Variants in EML4 observed in about 807,000 individuals in gnomAD.
The protein encoded by EML4 is EMAP like 4.
A neutral mutation model predicts 129.0 loss-of-function variants in EML4; 72 were observed. The ratio of observed to expected loss-of-function variants is 0.56; its 90% CI spans 0.46 to 0.68. The LOEUF (loss-of-function observed/expected upper bound fraction) is 0.68, where lower values mean the gene tolerates loss of function less well. EML4 is among the 30% of genes least tolerant of loss of function. The probability of loss-of-function intolerance (pLI) is 0.00; values close to 1 mark genes in which losing one functional copy is unlikely to be tolerated. For missense variants in EML4, 1,363 were observed against 1,190.6 expected, an observed-to-expected ratio of 1.14 and a Z score of -2.13; for synonymous variants, 532 against 405.0, an observed-to-expected ratio of 1.31 and a Z score of -3.77.
chr2:42,253,865 C>T (rs1009048973), intron 2 of EML4, among the ~76,000 whole-genome samples: 5 of 152,100 alleles, frequency 3.3e-5, no homozygotes, highest in African/African-American at 7.2e-5. Flanking sequence ...ACAAAGATTT[C>T]ATAAGTAGCA....
Position 42,245,595 on chromosome 2 carries a change from C to T in EML4, c.116C>T (p.Thr39Ile). ...SRVQQQEDEITVLKAALADVL... is the reference protein window; with the variant it reads ...SRVQQQEDEIIVLKAALADVL... Reference sequence around the variant, plus strand: ...GTTCAGCAACAAGAAGATGAAATCACTGTGCTAAAGGCGGCTTTGGCTGAT... The same window carrying T: ...GTTCAGCAACAAGAAGATGAAATCATTGTGCTAAAGGCGGCTTTGGCTGAT... The change falls in exon 2 of 23, where the codon ACT (threonine) becomes ATT (isoleucine). Residue 39 changes from threonine (T) to isoleucine (I), a missense_variant. Coordinates refer to ENST00000318522, the MANE Select transcript of EML4 (RefSeq NM_019063.5). The T allele has an allele frequency of 6.2e-7, 1 of 1,613,924 alleles. No individual in the cohort carries two copies. Among genetic ancestry groups the T allele is most frequent in the Admixed American group, 1.7e-5 (1 of 60,006 alleles).
intron 17 of EML4, among the ~76,000 whole-genome samples, chr2:42,313,853 C>T (rs1016661175): frequency 6.6e-5 from 10 of 151,240 alleles, no homozygotes; most frequent in South Asian, 2.1e-4. Flanking sequence ...CGCTTGAACC[C>T]GGAGGCGGAG....
intron 1 of EML4, among the ~76,000 whole-genome samples, chr2:42,176,204 C>G (rs748263890): frequency 2.0e-5 from 3 of 152,156 alleles, no homozygotes; most frequent in Non-Finnish European, 2.9e-5. Flanking sequence ...CCATTTTTGC[C>G]TAGGGCATTA....
intron 19 of EML4, among the ~76,000 whole-genome samples, chr2:42,321,213 C>T (rs1229232468): frequency 1.3e-5 from 2 of 151,918 alleles, no homozygotes; most frequent in South Asian, 4.2e-4. Flanking sequence ...GAAACCCCAT[C>T]TCTACTAAAA....
Position 42,329,973 on chromosome 2 carries a change from G to GGA in EML4, c.2712_2713insGA (p.Pro905AspfsTer3). The GGA allele has an allele frequency of 6.2e-7, 1 of 1,613,810 alleles. No individual in the cohort carries two copies. On this transcript the variant is annotated frameshift_variant, in exon 23 of 23. Coordinates refer to ENST00000318522, the MANE Select transcript of EML4 (RefSeq NM_019063.5). LOFTEE classifies it high-confidence loss of function. Reference sequence around the variant, plus strand: ...ATACTCCCACACCGCCTCCTTCTCAGCCCTTAAATGAGACAGCTGAAGAGG... The same window carrying GGA: ...ATACTCCCACACCGCCTCCTTCTCAGGACCCTTAAATGAGACAGCTGAAGAGG...
At chr2:42,299,552 C>T (rs970441088) in intron 13 of EML4, among the ~76,000 whole-genome samples, 8 of 152,180 alleles carry the variant, frequency 5.3e-5, no homozygotes, top group Admixed American at 2.6e-4. Context: ...TTTCTCCCTC[C>T]CCTCAGCCCC....
intron 6 of EML4, among the ~76,000 whole-genome samples, chr2:42,279,105 T>C (rs1352502033): frequency 1.3e-5 from 2 of 152,200 alleles, no homozygotes; most frequent in African/African-American, 2.4e-5. Flanking sequence ...CAGGGTATTA[T>C]ATTTGAAATC....
intron 1 of EML4, among the ~76,000 whole-genome samples, chr2:42,181,058 T>G (rs1670906893): frequency 6.6e-6 from 1 of 152,198 alleles, no homozygotes; most frequent in Non-Finnish European, 1.5e-5. Flanking sequence ...TGGCACACAA[T>G]TTTTATTTAT....
At chr2:42,208,284 C>T (rs188566836) in intron 1 of EML4, among the ~76,000 whole-genome samples, 5 of 151,956 alleles carry the variant, frequency 3.3e-5, no homozygotes, top group African/African-American at 1.2e-4. Context: ...GTAATTTTGC[C>T]TTACATCATT....
At chr2:42,256,223 G>A (rs1676140996) in intron 2 of EML4, among the ~76,000 whole-genome samples, 1 of 152,150 alleles carries the variant, frequency 6.6e-6, no homozygotes, top group African/African-American at 2.4e-5. Flanking sequence ...TAAGGCTGCT[G>A]TGTGTGGTAA....
intron 22 of EML4, 50 bp downstream of exon 22, chr2:42,329,066 A>G: frequency 6.4e-7 from 1 of 1,556,482 alleles, no homozygotes; most frequent in Non-Finnish European, 8.7e-7. Context: ...CTGTCCAGGG[A>G]TGATTTTGCA....
chr2:42,297,802 G>A (rs1668044827), intron 13 of EML4, among the ~76,000 whole-genome samples: 1 of 152,158 alleles, frequency 6.6e-6, no homozygotes, highest in Non-Finnish European at 1.5e-5. Context: ...TTTTTTGGAT[G>A]GCAGAAGTAT....
intron 1 of EML4, among the ~76,000 whole-genome samples, chr2:42,238,944 T>C (rs1235993802): frequency 6.6e-6 from 1 of 152,088 alleles, no homozygotes; most frequent in African/African-American, 2.4e-5. Context: ...CTGGCTAATT[T>C]TTTTTGTAGA....
chr2:42,222,921 C>G (rs1673706449), intron 1 of EML4, among the ~76,000 whole-genome samples: 1 of 152,086 alleles, frequency 6.6e-6, no homozygotes, highest in African/African-American at 2.4e-5. Flanking sequence ...GCCTCAGCCT[C>G]CCAAGTAGCT....
intron 1 of EML4, among the ~76,000 whole-genome samples, chr2:42,183,405 C>G (rs1671063383): frequency 6.6e-6 from 1 of 152,116 alleles, no homozygotes; most frequent in Admixed American, 6.6e-5. Context: ...AGCACATGAT[C>G]CTTTTTTCTT....
At chr2:42,325,793 A>G (rs1265122668) in intron 20 of EML4, among the ~76,000 whole-genome samples, 2 of 151,414 alleles carry the variant, frequency 1.3e-5, no homozygotes, top group Non-Finnish European at 2.9e-5. Context: ...CTCCAAGAGT[A>G]ATGAATTAAT....
At chr2:42,177,985 C>T (rs1181989940) in intron 1 of EML4, among the ~76,000 whole-genome samples, 1 of 152,134 alleles carries the variant, frequency 6.6e-6, no homozygotes, top group Non-Finnish European at 1.5e-5. Flanking sequence ...TGGCTAATCC[C>T]TATCTTTGAG....
At chr2:42,232,113 G>C (rs371049494) in intron 1 of EML4, among the ~76,000 whole-genome samples, 1 of 152,102 alleles carries the variant, frequency 6.6e-6, no homozygotes, top group East Asian at 1.9e-4. Flanking sequence ...AGAAAAGAGA[G>C]AAGATGATTC....
chr2:42,181,196 T>A (rs1670917322), intron 1 of EML4, among the ~76,000 whole-genome samples: 1 of 152,246 alleles, frequency 6.6e-6, no homozygotes, highest in Non-Finnish European at 1.5e-5. Flanking sequence ...GATAGCTATT[T>A]TGTAAAATGT....
Sources: allele counts gnomAD v4.1 joint callset (sites outside exome capture counted in the v4.1 genomes callset), GRCh38; gene constraint gnomAD v4.1.1; transcripts MANE v1.5; gene names NCBI Gene and HGNC (gene_info 2026-07-23, HGNC 2026-07-21).